The following TAFA4 variants were observed in gnomAD, a reference collection of about 807,000 sequenced individuals.
TAFA4 encodes the protein chemokine-like protein TAFA-4.
A neutral mutation model predicts 21.1 loss-of-function variants in TAFA4; 20 were observed. The ratio of observed to expected loss-of-function variants is 0.95; its 90% CI spans 0.67 to 1.38. TAFA4 has a LOEUF of 1.38. Among genes scored for constraint, TAFA4 ranks in the 40% most tolerant of loss-of-function variants. The pLI is 0.00. For missense variants in TAFA4, 211 were observed against 180.9 expected (o/e 1.17, Z -0.95); for synonymous variants, 71 against 67.4 (o/e 1.05, Z -0.26).
At chr3:68,770,982 G>A (rs959021871) in intron 3 of TAFA4, among the ~76,000 whole-genome samples, 1 of 152,178 alleles carries the variant, frequency 6.6e-6, no homozygotes, top group Non-Finnish European at 1.5e-5. Context: ...GGACACACCA[G>A]CAGACACCGG....
Position 68,739,223 on chromosome 3 carries a change from A to G in TAFA4, c.287-24T>C, listed in dbSNP as rs749556663. 82 of 1,612,902 alleles carry G rather than the reference A, an allele frequency of 5.1e-5. 2 individuals are homozygous for G. In the South Asian group the frequency reaches 8.8e-4, roughly 17 times the overall value. ...AGCTGGAAAACAAAGGCCAAATAAT[A>G]TTTGTGACACTGTTTCTTCCTCCAA... On this transcript the variant is annotated intron_variant, in intron 4 of 5. Coordinates refer to ENST00000295569, the MANE Select transcript of TAFA4 (RefSeq NM_182522.5).
At position 68,848,555 on chromosome 3, in the gene TAFA4, G is replaced by A. The variant is rs552954536; in HGVS notation, c.130+32175C>T. Among the ~76,000 whole-genome samples, 9 of 152,288 alleles carry A rather than the reference G, an allele frequency of 5.9e-5. No individual in the cohort carries two copies. The East Asian group carries it at 1.2e-3, about 20-fold the overall frequency. On this transcript the variant is annotated intron_variant, in intron 3 of 5. Transcript: ENST00000295569. ...TACAGCCTTTCCAGGGTCCATGGTT[G>A]ATCAACTCACCTTGGTGGCAATGAT... is the stretch of plus-strand genomic sequence containing the variant.
At chr3:68,884,260 T>G (rs539309438) in intron 2 of TAFA4, among the ~76,000 whole-genome samples, 154 of 152,298 alleles carry the variant, frequency 1.0e-3, no homozygotes, top group African/African-American at 3.7e-3. Context: ...AGCTGGTTAC[T>G]GGCTGGGTTC....
chr3:68,739,848 G>A (rs1481241681), intron 4 of TAFA4, among the ~76,000 whole-genome samples: 2 of 152,150 alleles, frequency 1.3e-5, no homozygotes, highest in African/African-American at 2.4e-5. Flanking sequence ...TAGAGTCATG[G>A]AACAACAGAA....
rs554075918 is a variant in TAFA4 at position 68,878,551 on chromosome 3, C to CA, written c.130+2178dup. On this transcript the variant is annotated intron_variant, in intron 3 of 5. Transcript: ENST00000295569. ...GGGGAAATAAGGCACTGCTTACAGC[C>CA]AAAAAAAAAGGAACAAAAGGACAAA... Among the ~76,000 whole-genome samples, 35 of 148,700 alleles carry CA rather than the reference C, an allele frequency of 2.4e-4. 1 individual carries two copies. Among genetic ancestry groups the CA allele is most frequent in the Middle Eastern group, 6.8e-3 (2 of 292 alleles).
At chr3:68,854,354 C>A (rs1300908081) in intron 3 of TAFA4, among the ~76,000 whole-genome samples, 1 of 151,978 alleles carries the variant, frequency 6.6e-6, no homozygotes, top group African/African-American at 2.4e-5. Flanking sequence ...CCTTGGAGGT[C>A]ATGAAAATGA....
chr3:68,809,063 G>A (rs1217857496), intron 3 of TAFA4, among the ~76,000 whole-genome samples: 2 of 152,146 alleles, frequency 1.3e-5, no homozygotes, highest in Non-Finnish European at 2.9e-5. Context: ...AGAGAAGGGA[G>A]GAGCAACAAA....
intron 3 of TAFA4, among the ~76,000 whole-genome samples, chr3:68,862,854 T>TGCACACACAC (rs2089364176): frequency 1.0e-5 from 1 of 96,336 alleles, no homozygotes; most frequent in African/African-American, 5.1e-5. Context: ...TAAAAGAATT[T>TGCACACACAC]TCACACACAC....
chr3:68,811,884 A>G lies in TAFA4; in HGVS notation c.131-58866T>C, dbSNP rs569823240. ...AGACACACAATTGTCAGATTCACCAAAGTTGAAATGAAGGAAAAAATGTTA... is the reference window on the plus strand; with the variant it reads ...AGACACACAATTGTCAGATTCACCAGAGTTGAAATGAAGGAAAAAATGTTA... On this transcript the variant is annotated intron_variant, in intron 3 of 5. Coordinates refer to ENST00000295569, the MANE Select transcript of TAFA4 (RefSeq NM_182522.5). 1.3e-3 allele frequency among the ~76,000 whole-genome samples: 192 copies of G among 152,260 alleles called. 2 individuals are homozygous for G. Among genetic ancestry groups the G allele is most frequent in the African/African-American group, 4.5e-3 (189 of 41,558 alleles).
rs147554025 is a variant in TAFA4 at position 68,894,394 on chromosome 3, A to C, written c.-122-9084T>G. 7.9e-3 allele frequency among the ~76,000 whole-genome samples: 1,202 copies of C among 152,284 alleles called. 13 individuals carry two copies. Among genetic ancestry groups the C allele is most frequent in the South Asian group, 0.021 (103 of 4,824 alleles). On this transcript the variant is annotated intron_variant, in intron 1 of 5. Transcript: ENST00000295569. Reference sequence around the variant, plus strand: ...AGGCTGGTCTCGAACTCCTGGGCTCAAGCGATCCTCCTGCCTTGGGCTCCC... The same window carrying C: ...AGGCTGGTCTCGAACTCCTGGGCTCCAGCGATCCTCCTGCCTTGGGCTCCC...
chr3:68,881,813 G>C (rs11128103), intron 2 of TAFA4, among the ~76,000 whole-genome samples: 43,889 of 152,034 alleles, frequency 0.29, 7,751 homozygotes, highest in Middle Eastern at 0.41. Context: ...TCACACTATA[G>C]GCAAGACCCC....
intron 1 of TAFA4, among the ~76,000 whole-genome samples, chr3:68,915,057 A>G (rs76333747): frequency 1.3e-5 from 2 of 152,156 alleles, no homozygotes; most frequent in African/African-American, 4.8e-5. Context: ...CCATTTATAG[A>G]AAAAGTTTGT....
rs770033741 is a variant in TAFA4, at chr3:68,733,166, A to G, written c.412-13T>C. On this transcript the variant is annotated splice_polypyrimidine_tract_variant and intron_variant, in intron 5 of 5. Transcript: ENST00000295569. Reference sequence around the variant, plus strand: ...GCTACCGCGTTACCTAAAACAAATCAAAATAAGGGAACATTCAACACTCTA... The same window carrying G: ...GCTACCGCGTTACCTAAAACAAATCGAAATAAGGGAACATTCAACACTCTA... 2 of 1,613,028 alleles carry G rather than the reference A, an allele frequency of 1.2e-6. No individual in the cohort carries two copies. The highest frequency in any genetic ancestry group is 2.2e-5 in the South Asian group (2 of 90,980).
At position 68,890,531 on chromosome 3, in the gene TAFA4, G is replaced by A. The variant is rs956389089; in HGVS notation, c.-122-5221C>T. On this transcript the variant is annotated intron_variant, in intron 1 of 5. Coordinates refer to ENST00000295569, the MANE Select transcript of TAFA4 (RefSeq NM_182522.5). ...TTTATTTTAAAAACACTGACATAGCGCCTGCTAGGAACCATGCACTTGTTA... is the reference window on the plus strand; with the variant it reads ...TTTATTTTAAAAACACTGACATAGCACCTGCTAGGAACCATGCACTTGTTA... Among the ~76,000 whole-genome samples the A allele has an allele frequency of 1.6e-4, 25 of 152,116 alleles. 1 individual carries two copies. Among genetic ancestry groups the A allele is most frequent in the Non-Finnish European group, 5.9e-5 (4 of 68,020 alleles).
intron 1 of TAFA4, among the ~76,000 whole-genome samples, chr3:68,908,822 C>G (rs1272517214): frequency 6.6e-6 from 1 of 152,152 alleles, no homozygotes; most frequent in Non-Finnish European, 1.5e-5. Flanking sequence ...GTAGCTAGAC[C>G]AGAATCAACA....
chr3:68,813,128 G>A (rs1054787245), intron 3 of TAFA4, among the ~76,000 whole-genome samples: 7 of 152,062 alleles, frequency 4.6e-5, no homozygotes, highest in South Asian at 2.1e-4. Flanking sequence ...TGAAACCGAC[G>A]AGAACAAAGA....
intron 3 of TAFA4, among the ~76,000 whole-genome samples, chr3:68,801,796 A>G (rs1703583611): frequency 6.6e-6 from 1 of 152,180 alleles, no homozygotes; most frequent in South Asian, 2.1e-4. Context: ...CCCTACAAAA[A>G]GATACAGTGG....
chr3:68,844,601 T>A (rs528293696), intron 3 of TAFA4, among the ~76,000 whole-genome samples: 5 of 152,350 alleles, frequency 3.3e-5, no homozygotes, highest in Admixed American at 3.3e-4. Context: ...GTTCTTTTAA[T>A]TGTGATGTTA....
chr3:68,889,298 C>T (rs1184692991), intron 1 of TAFA4, among the ~76,000 whole-genome samples: 1 of 152,132 alleles, frequency 6.6e-6, no homozygotes, highest in Non-Finnish European at 1.5e-5. Flanking sequence ...ATTTATGTCT[C>T]CCGGTACCAA....
Sources: allele counts gnomAD v4.1 joint callset (sites outside exome capture counted in the v4.1 genomes callset), GRCh38; gene constraint gnomAD v4.1.1; transcripts MANE v1.5; gene names NCBI Gene and HGNC (gene_info 2026-07-23, HGNC 2026-07-21).